Variants in SLCO3A1 observed in about 807,000 individuals in gnomAD.
SLCO3A1 encodes PGE1 transporter.
SLCO3A1 carries 27 observed loss-of-function variants against 63.1 expected under a neutral mutation model. The ratio of observed to expected loss-of-function variants is 0.43; its 90% CI spans 0.32 to 0.59. The LOEUF is 0.59. Ranked by LOEUF, SLCO3A1 falls within the 20% of genes least tolerant of loss-of-function variation. SLCO3A1 has a pLI of 0.09. For synonymous variants in SLCO3A1, 473 were observed against 409.9 expected (o/e 1.15, Z -1.86); for missense variants, 773 against 945.8 (o/e 0.82, Z 2.40).
At chr15:92,023,059 A>T (rs983888063) in intron 2 of SLCO3A1, among the ~76,000 whole-genome samples, 4 of 152,174 alleles carry the variant, frequency 2.6e-5, no homozygotes, top group Non-Finnish European at 4.4e-5. Flanking sequence ...AGCACAGAGA[A>T]ATTGAGGGGC....
chr15:91,944,395 C>T (rs72751994), intron 2 of SLCO3A1, among the ~76,000 whole-genome samples: 9,006 of 152,200 alleles, frequency 0.059, 375 homozygotes, highest in Non-Finnish European at 0.089. Context: ...AGGATGCTCC[C>T]AGACCTATCC....
At chr15:92,127,358 G>C (rs1474392517) in intron 6 of SLCO3A1, among the ~76,000 whole-genome samples, 4 of 85,262 alleles carry the variant, frequency 4.7e-5, no homozygotes, top group Non-Finnish European at 1.1e-4. Context: ...GAAAAGAAAA[G>C]TGTATATCCT....
intron 2 of SLCO3A1, among the ~76,000 whole-genome samples, chr15:92,038,858 A>G (rs960366763): frequency 6.6e-6 from 1 of 152,228 alleles, no homozygotes; most frequent in Non-Finnish European, 1.5e-5. Flanking sequence ...AAACTATACT[A>G]CAAGGCTACG....
At chr15:92,037,225 A>G (rs1262893331) in intron 2 of SLCO3A1, among the ~76,000 whole-genome samples, 1 of 152,162 alleles carries the variant, frequency 6.6e-6, no homozygotes, top group Non-Finnish European at 1.5e-5. Flanking sequence ...TTTGGTAACA[A>G]TGTTCATGCC....
chr15:92,033,957 G>C lies in SLCO3A1; in HGVS notation c.647-60924G>C, dbSNP rs191693023. 6.6e-6 allele frequency among the ~76,000 whole-genome samples: 1 copy of C among 152,056 alleles called. No individual in the cohort carries two copies. The highest frequency in any genetic ancestry group is 2.4e-5 in the African/African-American group (1 of 41,398). ...CGCATGGGTGGGACCCAGTGAGGGA[G>C]GGGGAGGAGCAGAATGAATGGGGGC... On this transcript the variant is annotated intron_variant, in intron 2 of 9. Transcript: ENST00000318445. The surrounding 1 kb of genome is among the most constrained non-coding windows in gnomAD (Gnocchi z 4.5).
chr15:91,901,751 A>T (rs1053857499), intron 1 of SLCO3A1, among the ~76,000 whole-genome samples: 2 of 151,956 alleles, frequency 1.3e-5, no homozygotes, highest in Admixed American at 1.3e-4. Context: ...CTGCTTTCAC[A>T]ATTTTCTGTG....
At chr15:91,857,260 A>G (rs192384792) in intron 1 of SLCO3A1, among the ~76,000 whole-genome samples, 5 of 152,280 alleles carry the variant, frequency 3.3e-5, no homozygotes, top group African/African-American at 1.2e-4. Flanking sequence ...ACAGAAAGAC[A>G]CTGATCCTGA....
rs1005851766 is a variant in SLCO3A1 at position 91,954,852 on chromosome 15, C to T, written c.646+38394C>T. On this transcript the variant is annotated intron_variant, in intron 2 of 9. Coordinates refer to ENST00000318445, the MANE Select transcript of SLCO3A1 (RefSeq NM_013272.4). The surrounding 1 kb of genome is among the most constrained non-coding windows in gnomAD (Gnocchi z 4.7). ...CCCTGAACCGCCCCCCGTGGTCTCC[C>T]GCTGCTTTCTGCCACTGCCCAAGGG... is the stretch of plus-strand genomic sequence containing the variant. Among the ~76,000 whole-genome samples the T allele has an allele frequency of 1.4e-4, 22 of 152,196 alleles. 1 individual carries two copies. The highest frequency in any genetic ancestry group is 1.0e-3 in the South Asian group (5 of 4,810).
At chr15:92,089,046 G>T (rs1188932917) in intron 2 of SLCO3A1, among the ~76,000 whole-genome samples, 2 of 149,890 alleles carry the variant, frequency 1.3e-5, no homozygotes, top group African/African-American at 5.0e-5. Context: ...TTTATTTTGA[G>T]ATGGAGTCTG....
At chr15:92,027,152 C>G (rs1427956736) in intron 2 of SLCO3A1, among the ~76,000 whole-genome samples, 3 of 151,590 alleles carry the variant, frequency 2.0e-5, no homozygotes, top group Admixed American at 2.0e-4. Flanking sequence ...TAGAAGATCT[C>G]TGGGAGTTGT....
At chr15:92,013,602 A>G (rs2046393825) in intron 2 of SLCO3A1, among the ~76,000 whole-genome samples, 1 of 152,204 alleles carries the variant, frequency 6.6e-6, no homozygotes, top group Non-Finnish European at 1.5e-5. Flanking sequence ...TTAAAGTATT[A>G]AGAAGAGACA....
In SLCO3A1 at chr15:91,883,294, C is replaced by T. The variant is rs1897641730; in HGVS notation, c.180+29206C>T. 6.6e-6 allele frequency among the ~76,000 whole-genome samples: 1 copy of T among 152,176 alleles called. No individual in the cohort carries two copies. Among genetic ancestry groups the T allele is most frequent in the Non-Finnish European group, 1.5e-5 (1 of 68,022 alleles). On this transcript the variant is annotated intron_variant, in intron 1 of 9. Coordinates refer to ENST00000318445, the MANE Select transcript of SLCO3A1 (RefSeq NM_013272.4). This position sits in a 1 kb window ranked among gnomAD's most constrained non-coding sequence, Gnocchi z 4.8. ...TTGGAGAGTGAAGAGAGAAACTTGG[C>T]ACCGGGACCCTAGAATCCCCTCTTT... is the stretch of plus-strand genomic sequence containing the variant.
chr15:92,045,403 T>C (rs1050628216), intron 2 of SLCO3A1, among the ~76,000 whole-genome samples: 8 of 152,158 alleles, frequency 5.3e-5, no homozygotes, highest in Admixed American at 3.9e-4. Flanking sequence ...AAATTACCAT[T>C]ATAATGTGTA....
intron 1 of SLCO3A1, among the ~76,000 whole-genome samples, chr15:91,913,098 T>C (rs1300715415): frequency 1.3e-5 from 2 of 152,260 alleles, no homozygotes; most frequent in Non-Finnish European, 2.9e-5. Flanking sequence ...ATTTGAATGA[T>C]GCCAGGACTA....
Position 92,162,868 on chromosome 15 carries a change from C to G in SLCO3A1, c.1866C>G (p.Tyr622Ter), listed in dbSNP as rs775057712. The G allele has an allele frequency of 6.2e-7, 1 of 1,614,222 alleles. No individual in the cohort carries two copies. Among genetic ancestry groups the G allele is most frequent in the Non-Finnish European group, 8.5e-7 (1 of 1,180,044 alleles). The change falls in exon 10 of 10, where the codon TAC (tyrosine) becomes TAG (stop). Residue 622 changes from tyrosine to a stop codon, truncating the protein, a stop_gained. Coordinates refer to ENST00000318445, the MANE Select transcript of SLCO3A1 (RefSeq NM_013272.4). LOFTEE classifies it high-confidence loss of function. Reference protein sequence around the residue: ...GACVLYDNVVYRYLYVSIAIA... With the variant: ...GACVLYDNVV ...GCGTCCTCTACGACAATGTGGTCTA[C>G]CGATACCTGTATGTCAGCATCGCCA...
chr15:91,897,496 T>A lies in SLCO3A1; in HGVS notation c.181-18497T>A, dbSNP rs1010150772. Among the ~76,000 whole-genome samples the A allele has an allele frequency of 2.0e-5, 3 of 152,194 alleles. No individual in the cohort carries two copies. Among genetic ancestry groups the A allele is most frequent in the Admixed American group, 6.5e-5 (1 of 15,278 alleles). ...CCCCCAAAACTTATAAAGCTGGATG[T>A]TCCAACTAATGTCCTATCCTGGTTT... On this transcript the variant is annotated intron_variant, in intron 1 of 9. Transcript: ENST00000318445. The surrounding 1 kb of genome is among the most constrained non-coding windows in gnomAD (Gnocchi z 4.7).
intron 2 of SLCO3A1, among the ~76,000 whole-genome samples, chr15:92,046,723 A>C (rs1041513076): frequency 6.6e-6 from 1 of 151,560 alleles, no homozygotes; most frequent in African/African-American, 2.4e-5. Flanking sequence ...TCCTTGATTT[A>C]CTTCAGGTAG....
rs561750423 is a variant in SLCO3A1, at chr15:92,033,492, C to T, written c.647-61389C>T. On this transcript the variant is annotated intron_variant, in intron 2 of 9. Transcript: ENST00000318445. This position sits in a 1 kb window ranked among gnomAD's most constrained non-coding sequence, Gnocchi z 4.5. ...ACCTAAAGGGAACTAAATGCCGAGA[C>T]GGTGGGCAAAGGAGAACGAGGGAGG... 6.6e-5 allele frequency among the ~76,000 whole-genome samples: 10 copies of T among 152,304 alleles called. No homozygotes were observed. The South Asian group carries it at 1.0e-3, about 16-fold the overall frequency.
chr15:91,939,724 T>G lies in SLCO3A1; in HGVS notation c.646+23266T>G, dbSNP rs183877140. Among the ~76,000 whole-genome samples, 5 of 152,258 alleles carry G rather than the reference T, an allele frequency of 3.3e-5. No homozygotes were observed. In the East Asian group the frequency reaches 9.7e-4, roughly 30 times the overall value. On this transcript the variant is annotated intron_variant, in intron 2 of 9. Transcript: ENST00000318445. ...GCTTGGACTCTTTCCCGTCAGTCTT[T>G]GCCTCCTACCCGCCTCCTCCATTCT...
Sources: allele counts gnomAD v4.1 joint callset (sites outside exome capture counted in the v4.1 genomes callset), GRCh38; gene constraint gnomAD v4.1.1; non-coding constraint Gnocchi (gnomAD v3.1); transcripts MANE v1.5; gene names NCBI Gene and HGNC (gene_info 2026-07-23, HGNC 2026-07-21).